The following TDRD5 variants were observed in gnomAD, a reference collection of about 807,000 sequenced individuals.
TDRD5 encodes the protein tudor domain containing 5.
In TDRD5, 41 loss-of-function variants were observed where a neutral mutation model predicts 120.6. That is an observed-to-expected ratio of 0.34 (90% CI 0.26 to 0.44). The LOEUF (loss-of-function observed/expected upper bound fraction) is 0.44, where lower values mean the gene tolerates loss of function less well. Ranked by LOEUF, TDRD5 falls within the 20% of genes least tolerant of loss-of-function variation. The pLI is 1.00. For missense variants in TDRD5, 1,006 were observed against 1,221.2 expected, an observed-to-expected ratio of 0.82 and a Z score of 2.63; for synonymous variants, 430 against 433.7, an observed-to-expected ratio of 0.99 and a Z score of 0.11.
intron 14 of TDRD5, among the ~76,000 whole-genome samples, chr1:179,658,120 A>C (rs1679103142): frequency 6.6e-6 from 1 of 152,124 alleles, no homozygotes; most frequent in African/African-American, 2.4e-5. Flanking sequence ...CATGTAACAT[A>C]ATGTCCTCCT....
chr1:179,648,892 A>G (rs1678557250), intron 11 of TDRD5, among the ~76,000 whole-genome samples: 1 of 152,172 alleles, frequency 6.6e-6, no homozygotes, highest in Admixed American at 6.5e-5. Flanking sequence ...GTGTATCCTT[A>G]GGATTTTATT....
rs1678868218 is a variant in TDRD5 at position 179,654,183 on chromosome 1, C to G, written c.2161-18C>G. ...CATTAATATTTAAAATAAAGGAATT[C>G]TCTTTCATATCTACTAGCAAGATAT... On this transcript the variant is annotated intron_variant, in intron 13 of 17. Coordinates refer to ENST00000444136, the MANE Select transcript of TDRD5 (RefSeq NM_001199085.3). 3 of 1,488,888 alleles carry G rather than the reference C, an allele frequency of 2.0e-6. No homozygotes were observed. The Middle Eastern group carries it at 6.1e-4, about 302-fold the overall frequency. 92.2% of individuals were successfully genotyped at this position (1,488,888 alleles called of 1,614,324 possible).
intron 4 of TDRD5, 91 bp from the exon 5 acceptor site, chr1:179,618,508 T>C (rs1294639877): frequency 1.2e-6 from 1 of 834,516 alleles, no homozygotes; most frequent in African/African-American, 1.8e-5. Context: ...TCTCCTTTTA[T>C]AGATTTTTTC....
At chr1:179,648,244 A>G (rs1678501999) in intron 11 of TDRD5, among the ~76,000 whole-genome samples, 2 of 146,742 alleles carry the variant, frequency 1.4e-5, no homozygotes, top group East Asian at 4.0e-4. Flanking sequence ...TGGCACATAT[A>G]CACCATGGAA....
At chr1:179,624,974 A>G (rs940996678) in intron 6 of TDRD5, among the ~76,000 whole-genome samples, 1 of 152,060 alleles carries the variant, frequency 6.6e-6, no homozygotes, top group African/African-American at 2.4e-5. Flanking sequence ...TTCAAAAGGG[A>G]TAAGACAGTA....
chr1:179,655,523 T>C (rs1678957610), intron 14 of TDRD5, among the ~76,000 whole-genome samples: 1 of 151,074 alleles, frequency 6.6e-6, no homozygotes, highest in Admixed American at 6.6e-5. Flanking sequence ...ATGTGTAGAT[T>C]TGTGTAACCA....
rs759058451 is a variant in TDRD5, at chr1:179,634,569, A to G, written c.1239A>G (p.Gln413=). ...ETVWNCPSKK[Q]KEPQQKICKK... is the part of the protein sequence containing the mutation. ...TATGGAATTGCCCTTCAAAAAAACA[A>G]AAAGAGCCACAACAGAAGATTTGCA... Residue 413 remains glutamine, a synonymous_variant, in exon 8 of 18, where the codon CAA becomes CAG. Transcript: ENST00000444136. 4.9e-5 allele frequency: 79 copies of G among 1,613,542 alleles called. No homozygotes were observed. The highest frequency in any genetic ancestry group is 6.5e-5 in the Non-Finnish European group (77 of 1,179,858).
At position 179,691,040 on chromosome 1, in the gene TDRD5, T is replaced by G. The variant is rs1490717228; in HGVS notation, c.*97T>G. On this transcript the variant is annotated 3_prime_UTR_variant, in exon 18 of 18. Coordinates refer to ENST00000444136, the MANE Select transcript of TDRD5 (RefSeq NM_001199085.3). ...GGAGTTATTGAAGCAAAATAGTATC[T>G]TGATCATTGATACTTTTGTCTTTCT... 10 of 1,433,952 alleles carry G rather than the reference T, an allele frequency of 7.0e-6. No homozygotes were observed. Among genetic ancestry groups the G allele is most frequent in the Non-Finnish European group, 9.2e-6 (10 of 1,085,628 alleles). The allele number at this position is 1,433,952 out of a possible 1,614,324, so 88.8% of individuals were successfully genotyped here.
At chr1:179,618,719 G>T (rs894488225) in intron 5 of TDRD5, 37 bp downstream of exon 5, 4 of 1,429,984 alleles carry the variant, frequency 2.8e-6, no homozygotes, top group Non-Finnish European at 3.8e-6. Flanking sequence ...AATAATAATT[G>T]ATTTATAAAT....
chr1:179,596,094 G>C (rs1468744829), intron 4 of TDRD5, among the ~76,000 whole-genome samples: 1 of 152,150 alleles, frequency 6.6e-6, no homozygotes, highest in African/African-American at 2.4e-5. Context: ...CCTCACCAAA[G>C]TTACAGAAGC....
chr1:179,684,882 T>C (rs1462284505), intron 17 of TDRD5, among the ~76,000 whole-genome samples: 1 of 152,230 alleles, frequency 6.6e-6, no homozygotes, highest in Admixed American at 6.5e-5. Context: ...TTTGCCCACT[T>C]TTTGATGGGG....
intron 11 of TDRD5, among the ~76,000 whole-genome samples, chr1:179,647,932 A>AT (rs1398148045): frequency 1.6e-4 from 24 of 151,360 alleles, no homozygotes; most frequent in African/African-American, 5.6e-4. Context: ...GCAATCATTA[A>AT]AAAGTCAGGA....
chr1:179,599,098 C>T (rs1464639675), intron 4 of TDRD5, among the ~76,000 whole-genome samples: 1 of 152,000 alleles, frequency 6.6e-6, no homozygotes, highest in Non-Finnish European at 1.5e-5. Flanking sequence ...CATGTTCTTT[C>T]TCCATACATT....
In TDRD5 at chr1:179,645,112, G is replaced by T. The variant is rs1678277112; in HGVS notation, c.1800+4667G>T. 1.8e-5 allele frequency among the ~76,000 whole-genome samples: 2 copies of T among 113,968 alleles called. 1 individual carries two copies. Among genetic ancestry groups the T allele is most frequent in the South Asian group, 5.9e-4 (2 of 3,376 alleles). The allele number at this position is 113,968 out of a possible 152,430, so 74.8% of individuals were successfully genotyped here. ...TTTTTTTTTTTTTTTTTGAGACGGA[G>T]TCTCGCTCTGTCGCCCAGGCTGGAG... On this transcript the variant is annotated intron_variant, in intron 11 of 17. Coordinates refer to ENST00000444136, the MANE Select transcript of TDRD5 (RefSeq NM_001199085.3).
chr1:179,619,328 A>G (rs748260848), intron 5 of TDRD5, among the ~76,000 whole-genome samples: 7 of 152,152 alleles, frequency 4.6e-5, no homozygotes, highest in Non-Finnish European at 4.4e-5. Flanking sequence ...TTTTATGTGA[A>G]TTGCCTGTTT....
chr1:179,662,309 A>C (rs553134699), intron 15 of TDRD5, 23 bp downstream of exon 15: 3 of 1,595,938 alleles, frequency 1.9e-6, no homozygotes, highest in African/African-American at 2.7e-5. Context: ...GAAAAATAGA[A>C]AGCAAATCAG....
intron 11 of TDRD5, among the ~76,000 whole-genome samples, chr1:179,645,702 T>C (rs1283465062): frequency 1.3e-5 from 2 of 152,230 alleles, no homozygotes; most frequent in African/African-American, 4.8e-5. Context: ...TATTCTTTTG[T>C]GTATTTCTTC....
chr1:179,618,115 C>T (rs1312461859), intron 4 of TDRD5, among the ~76,000 whole-genome samples: 2 of 152,068 alleles, frequency 1.3e-5, no homozygotes, highest in Non-Finnish European at 2.9e-5. Context: ...TTCTTTGTAC[C>T]CTTACCTTTT....
chr1:179,605,614 G>A (rs1017642414), intron 4 of TDRD5, among the ~76,000 whole-genome samples: 3 of 152,072 alleles, frequency 2.0e-5, no homozygotes, highest in Admixed American at 6.6e-5. Flanking sequence ...CTGTGCTTGC[G>A]CCTGTTCATC....
Sources: allele counts gnomAD v4.1 joint callset (sites outside exome capture counted in the v4.1 genomes callset), GRCh38; gene constraint gnomAD v4.1.1; transcripts MANE v1.5; gene names NCBI Gene and HGNC (gene_info 2026-07-23, HGNC 2026-07-21).